Variants in TRIO observed in about 807,000 individuals in gnomAD.
TRIO encodes the protein trio Rho guanine nucleotide exchange factor.
In TRIO, 58 loss-of-function variants were observed where a neutral mutation model predicts 351.9. The ratio of observed to expected loss-of-function variants is 0.16; its 90% confidence interval spans 0.13 to 0.21. TRIO has a LOEUF of 0.21. Among genes scored for constraint, TRIO ranks in the 10% least tolerant of loss-of-function variants. The probability of loss-of-function intolerance (pLI) is 1.00; values close to 1 mark genes in which losing one functional copy is unlikely to be tolerated. For missense variants in TRIO, 3,201 were observed against 4,027.8 expected (o/e 0.79, Z 5.56); for synonymous variants, 1,758 against 1,595.7 (o/e 1.10, Z -2.42).
intron 49 of TRIO, 134 bp downstream of exon 49, chr5:14,492,948 T>G: frequency 1.5e-6 from 2 of 1,367,390 alleles, no homozygotes; most frequent in Non-Finnish European, 2.0e-6. Context: ...CAGGCTCAGC[T>G]CTGAGCACGT....
At chr5:14,368,978 T>C (rs1744840318) in intron 17 of TRIO, 79 bp downstream of exon 17, 1 of 1,483,216 alleles carries the variant, frequency 6.7e-7, no homozygotes, top group Admixed American at 2.0e-5. Context: ...TCAATCATTG[T>C]TAACATGTTC....
rs750714090 is a variant in TRIO, at chr5:14,492,787, T to A, written c.7853T>A (p.Ile2618Asn). 10 of 1,613,852 alleles carry A rather than the reference T, an allele frequency of 6.2e-6. No individual in the cohort carries two copies. The highest frequency in any genetic ancestry group is 7.6e-6 in the Non-Finnish European group (9 of 1,180,002). ...GTCCTGGGCCACACCAGTGCAGTCA[T>A]CGTGGAGAACCCGGACGGGACTCTC... ...GFVLGHTSAVIVENPDGTLKK... is the reference protein window; with the variant it reads ...GFVLGHTSAVNVENPDGTLKK... Residue 2618 changes from isoleucine (I) to asparagine (N), a missense_variant, in exon 49 of 57, where the codon ATC becomes AAC. Ile to Asn is a moderately radical substitution (Grantham distance 149, BLOSUM62 -3). Transcript: ENST00000344204.
intron 8 of TRIO, among the ~76,000 whole-genome samples, chr5:14,314,772 G>A (rs165086): frequency 0.045 from 6,899 of 152,286 alleles, 553 homozygotes; most frequent in African/African-American, 0.16. Context: ...CTTTGCATCA[G>A]CAATGTCCAC....
At chr5:14,293,801 A>G (rs1224615804) in intron 6 of TRIO, among the ~76,000 whole-genome samples, 1 of 152,208 alleles carries the variant, frequency 6.6e-6, no homozygotes, top group Non-Finnish European at 1.5e-5. Context: ...TTTATAGTTA[A>G]TGTTACTAAA....
chr5:14,501,654 G>C lies in TRIO; in HGVS notation c.8333-925G>C, dbSNP rs539725486. On this transcript the variant is annotated intron_variant, in intron 53 of 56. Transcript: ENST00000344204. ...CAATTAGACAAGTCAGCTTGGATTG[G>C]ACATGGTTTAAGGAAACGCATTCCC... Among the ~76,000 whole-genome samples the C allele has an allele frequency of 3.4e-4, 52 of 152,360 alleles. No individual in the cohort carries two copies. In the South Asian group the frequency reaches 9.5e-3, roughly 28 times the overall value.
chr5:14,447,674 T>C (rs1455068204), intron 34 of TRIO, among the ~76,000 whole-genome samples: 1 of 152,182 alleles, frequency 6.6e-6, no homozygotes, highest in African/African-American at 2.4e-5. Context: ...GCAGCCAAAG[T>C]GATTTCATTT....
At chr5:14,401,151 A>T in intron 31 of TRIO, 87 bp downstream of exon 31, 1 of 1,134,456 alleles carries the variant, frequency 8.8e-7, no homozygotes, top group East Asian at 2.6e-5. Flanking sequence ...TCATATTATT[A>T]TTATTTGTTG....
chr5:14,397,824 G>A (rs563578300), intron 29 of TRIO, among the ~76,000 whole-genome samples: 46 of 152,130 alleles, frequency 3.0e-4, no homozygotes, highest in African/African-American at 1.1e-3. Flanking sequence ...AAGCAAAACA[G>A]ATTTTTCTTT....
At chr5:14,490,934 G>T in intron 48 of TRIO, 1 of 445,272 alleles carries the variant, frequency 2.2e-6, no homozygotes, top group Non-Finnish European at 4.5e-6. Flanking sequence ...ATGCATAAAT[G>T]AGTATGCACA....
intron 1 of TRIO, among the ~76,000 whole-genome samples, chr5:14,179,507 T>C (rs1789618802): frequency 1.3e-5 from 2 of 151,926 alleles, no homozygotes; most frequent in South Asian, 4.2e-4. Flanking sequence ...TGTTGCCCAA[T>C]TTGGAGCAGT....
At position 14,316,532 on chromosome 5, in the gene TRIO, C is replaced by T. The variant is rs201650861; in HGVS notation, c.1520C>T (p.Ser507Leu). 32 of 1,614,056 alleles carry T rather than the reference C, an allele frequency of 2.0e-5. No individual in the cohort carries two copies. Among genetic ancestry groups the T allele is most frequent in the East Asian group, 8.9e-5 (4 of 44,874 alleles). Residue 507 changes from serine (S) to leucine (L), a missense_variant, in exon 9 of 57, where the codon TCG (serine) becomes TTG (leucine). Coordinates refer to ENST00000344204, the MANE Select transcript of TRIO (RefSeq NM_007118.4). ...GGGCAGGTCAGCCAAGATGGGAAGT[C>T]GCTCCTTGACAAGCTCCAGCGGCCC... Reference protein sequence around the residue: ...AYSEVSQDGKSLLDKLQRPLT... With the variant: ...AYSEVSQDGKLLLDKLQRPLT...
At chr5:14,342,590 C>G (rs1453565960) in intron 11 of TRIO, among the ~76,000 whole-genome samples, 1 of 152,196 alleles carries the variant, frequency 6.6e-6, no homozygotes, top group Non-Finnish European at 1.5e-5. Flanking sequence ...TCTGAATTAT[C>G]CCAGTCTCTC....
intron 2 of TRIO, among the ~76,000 whole-genome samples, chr5:14,275,860 A>ATGTGTG (rs1474278912): frequency 1.5e-4 from 15 of 102,264 alleles, no homozygotes; most frequent in African/African-American, 4.6e-4. Flanking sequence ...CTCTGTCTCT[A>ATGTGTG]TGTGTGTATA....
At chr5:14,276,721 C>T (rs976838413) in intron 2 of TRIO, among the ~76,000 whole-genome samples, 1 of 152,212 alleles carries the variant, frequency 6.6e-6, no homozygotes, top group African/African-American at 2.4e-5. Context: ...CTCCTCAAAG[C>T]AAGCGTGGCT....
chr5:14,280,396 G>A lies in TRIO; in HGVS notation c.307G>A (p.Asp103Asn). 6.2e-7 allele frequency: 1 copy of A among 1,614,132 alleles called. No homozygotes were observed. Among genetic ancestry groups the A allele is most frequent in the Non-Finnish European group, 8.5e-7 (1 of 1,180,010 alleles). ...CAATCATGACAGAATACGACAGGAG[G>A]ATCTCAGGAGACTCATTTCCTATCT... The part of the protein sequence containing the change: ...RSNHDRIRQE[D>N]LRRLISYLAC... Residue 103 changes from aspartate to asparagine, a missense_variant, in exon 3 of 57, where the codon GAT (aspartate) becomes AAT (asparagine). Asp to Asn is a conservative substitution (Grantham distance 23). Coordinates refer to ENST00000344204, the MANE Select transcript of TRIO (RefSeq NM_007118.4).
chr5:14,498,343 C>A (rs1197762784), intron 52 of TRIO, 92 bp downstream of exon 52: 2 of 1,543,058 alleles, frequency 1.3e-6, no homozygotes, highest in Non-Finnish European at 8.8e-7. Context: ...GGATGGATTT[C>A]TTTGGCTGCC....
intron 32 of TRIO, chr5:14,406,262 T>A: frequency 1.8e-6 from 1 of 569,866 alleles, no homozygotes; most frequent in Non-Finnish European, 3.1e-6. Context: ...CATGTCTAAC[T>A]CATGCACATG....
chr5:14,403,038 GT>G, intron 31 of TRIO, among the ~76,000 whole-genome samples: 1 of 150,034 alleles, frequency 6.7e-6, no homozygotes, highest in African/African-American at 2.5e-5. Context: ...GGTGGTGAAG[GT>G]GCAGGTTGTG....
At chr5:14,506,843 A>G (rs1468997740) in intron 55 of TRIO, among the ~76,000 whole-genome samples, 1 of 152,140 alleles carries the variant, frequency 6.6e-6, no homozygotes, top group Non-Finnish European at 1.5e-5. Flanking sequence ...CAGCCGGGCC[A>G]CGCCATCCCC....
Sources: allele counts gnomAD v4.1 joint callset (sites outside exome capture counted in the v4.1 genomes callset), GRCh38; gene constraint gnomAD v4.1.1; transcripts MANE v1.5; gene names NCBI Gene and HGNC (gene_info 2026-07-23, HGNC 2026-07-21).